Variants in HNF4G observed in about 807,000 individuals in gnomAD.
HNF4G encodes hepatocyte nuclear factor 4-gamma.
Under a neutral mutation model 50.9 loss-of-function variants are expected in HNF4G, and 21 were observed. The observed-to-expected ratio is 0.41, with a 90% CI of 0.29 to 0.59. HNF4G has a LOEUF of 0.59. Among genes scored for constraint, HNF4G ranks in the 20% least tolerant of loss-of-function variants. The pLI is 0.26. For synonymous variants in HNF4G, 198 were observed against 185.6 expected, an observed-to-expected ratio of 1.07 and a Z score of -0.54; for missense variants, 527 against 559.4, an observed-to-expected ratio of 0.94 and a Z score of 0.58.
chr8:75,481,062 CA>C (rs1345268852), intron 1 of HNF4G, among the ~76,000 whole-genome samples: 2 of 152,140 alleles, frequency 1.3e-5, no homozygotes, highest in East Asian at 3.9e-4. Context: ...CACTGGTTTT[CA>C]AACGGTGCTC....
chr8:75,445,451 G>C (rs1463570774), intron 1 of HNF4G, among the ~76,000 whole-genome samples: 1 of 11,834 alleles, frequency 8.5e-5, no homozygotes, highest in Non-Finnish European at 1.7e-4. Context: ...GAAGGAAATA[G>C]AGACACAAAA....
At chr8:75,515,835 G>A (rs768983609) in intron 2 of HNF4G, among the ~76,000 whole-genome samples, 14 of 150,348 alleles carry the variant, frequency 9.3e-5, no homozygotes, top group Middle Eastern at 3.4e-3. Context: ...GTGTGATCTC[G>A]GCTCACCACA....
chr8:75,435,431 C>CT (rs1034934803), intron 1 of HNF4G, among the ~76,000 whole-genome samples: 30 of 152,038 alleles, frequency 2.0e-4, no homozygotes, highest in Non-Finnish European at 3.7e-4. Context: ...AGCTATCGAA[C>CT]TTTTTTACTA....
chr8:75,494,841 C>A (rs1436957052), intron 2 of HNF4G, among the ~76,000 whole-genome samples: 39 of 151,834 alleles, frequency 2.6e-4, no homozygotes, highest in Admixed American at 2.6e-3. Context: ...ATTTATTTAA[C>A]AATAAACATC....
intron 1 of HNF4G, among the ~76,000 whole-genome samples, chr8:75,476,151 A>G (rs1261053850): frequency 2.0e-5 from 3 of 151,984 alleles, no homozygotes; most frequent in Non-Finnish European, 4.4e-5. Flanking sequence ...CTTTACATCC[A>G]TGTCCATTGT....
chr8:75,418,531 TC>T (rs1810695539), intron 1 of HNF4G, among the ~76,000 whole-genome samples: 1 of 152,116 alleles, frequency 6.6e-6, no homozygotes, highest in African/African-American at 2.4e-5. Context: ...AAAGCTTTCC[TC>T]TCTCCTAACA....
At chr8:75,508,509 T>C (rs902195754) in intron 2 of HNF4G, among the ~76,000 whole-genome samples, 30 of 152,282 alleles carry the variant, frequency 2.0e-4, no homozygotes, top group African/African-American at 7.0e-4. Flanking sequence ...AAAAGAACTT[T>C]CTAGGTTTAA....
chr8:75,562,972 A>T (rs1193958676), intron 9 of HNF4G, among the ~76,000 whole-genome samples: 1 of 152,148 alleles, frequency 6.6e-6, no homozygotes. Context: ...GCACTTAAAA[A>T]TTTTGCTTCT....
chr8:75,472,353 C>G (rs1001560417), intron 1 of HNF4G, among the ~76,000 whole-genome samples: 6 of 152,258 alleles, frequency 3.9e-5, no homozygotes, highest in Admixed American at 1.3e-4. Context: ...GAAAAGACCC[C>G]TTCCTGGCCC....
chr8:75,465,490 TTAAAA>T (rs779832915), intron 1 of HNF4G, among the ~76,000 whole-genome samples: 2 of 151,924 alleles, frequency 1.3e-5, no homozygotes, highest in South Asian at 2.1e-4. Flanking sequence ...GTTTAAAAAA[TTAAAA>T]TAAACAAATA....
chr8:75,531,757 G>C (rs1515015), intron 2 of HNF4G, among the ~76,000 whole-genome samples: 55,935 of 151,786 alleles, frequency 0.37, 11,177 homozygotes, highest in African/African-American at 0.5. Flanking sequence ...AAGATAATTT[G>C]AAGTATACAA....
intron 1 of HNF4G, among the ~76,000 whole-genome samples, chr8:75,467,371 C>T (rs1251817846): frequency 2.0e-5 from 3 of 152,072 alleles, no homozygotes; most frequent in Non-Finnish European, 4.4e-5. Flanking sequence ...ATTTTATATT[C>T]GCAAACAGGG....
At chr8:75,552,951 T>C (rs1807003287) in intron 4 of HNF4G, 91 bp from the exon 5 acceptor site, 4 of 791,164 alleles carry the variant, frequency 5.1e-6, no homozygotes, top group Non-Finnish European at 2.0e-6. Context: ...CCTACTTCTA[T>C]GGCCTTTACT....
chr8:75,544,990 C>A (rs1308897300), intron 2 of HNF4G, among the ~76,000 whole-genome samples: 1 of 151,816 alleles, frequency 6.6e-6, no homozygotes, highest in African/African-American at 2.4e-5. Context: ...AGTAATTTTT[C>A]CAAGATAGTT....
chr8:75,505,233 G>A (rs1311750064), intron 2 of HNF4G, among the ~76,000 whole-genome samples: 4 of 152,098 alleles, frequency 2.6e-5, no homozygotes, highest in Non-Finnish European at 4.4e-5. Flanking sequence ...TAACTTGTTG[G>A]TGGACCTTTG....
chr8:75,519,703 T>C (rs188345054), intron 2 of HNF4G, among the ~76,000 whole-genome samples: 5 of 152,328 alleles, frequency 3.3e-5, no homozygotes, highest in Non-Finnish European at 4.4e-5. Context: ...AGCTACAATT[T>C]AATATGAGAT....
chr8:75,474,666 A>AT (rs1217527395), intron 1 of HNF4G, among the ~76,000 whole-genome samples: 1 of 151,734 alleles, frequency 6.6e-6, no homozygotes, highest in Non-Finnish European at 1.5e-5. Context: ...AATAATAATT[A>AT]TTATTTTTTT....
At position 75,564,260 on chromosome 8, in the gene HNF4G, T is replaced by C. The variant is rs1807400456; in HGVS notation, c.*164T>C. On this transcript the variant is annotated 3_prime_UTR_variant, in exon 10 of 10. Transcript: ENST00000396423. The stretch of plus-strand genomic sequence containing the variant: ...GTTTATACGTTCATTCTGTTTGTTA[T>C]TGCTACTATGTAAAACTTTCACATG... 3 of 654,238 alleles carry C rather than the reference T, an allele frequency of 4.6e-6. No homozygotes were observed. Among genetic ancestry groups the C allele is most frequent in the Admixed American group, 6.3e-5 (2 of 31,876 alleles). The allele number at this position is 654,238 out of a possible 1,614,324, so 40.5% of individuals were successfully genotyped here.
At chr8:75,553,222 G>A (rs1324768805) in intron 5 of HNF4G, 25 bp downstream of exon 5, 1 of 1,583,216 alleles carries the variant, frequency 6.3e-7, no homozygotes, top group Admixed American at 1.7e-5. Context: ...CTTTATAAAT[G>A]CTTTAAAAAT....
Sources: allele counts gnomAD v4.1 joint callset (sites outside exome capture counted in the v4.1 genomes callset), GRCh38; gene constraint gnomAD v4.1.1; transcripts MANE v1.5; gene names NCBI Gene and HGNC (gene_info 2026-07-23, HGNC 2026-07-21).